The following NBAS variants were observed in gnomAD, a reference collection of about 807,000 sequenced individuals.
The protein encoded by NBAS is NAG/BC035112 fusion.
NBAS carries 219 observed loss-of-function variants against 302.5 expected under a neutral mutation model. The ratio of observed to expected loss-of-function variants is 0.72; its 90% CI spans 0.65 to 0.81. The LOEUF is 0.81. Among genes scored for constraint, NBAS ranks in the 30% least tolerant of loss-of-function variants. NBAS has a pLI of 0.00. For missense variants in NBAS, 2,932 were observed against 2,841.6 expected, an observed-to-expected ratio of 1.03 and a Z score of -0.72; for synonymous variants, 1,118 against 1,021.6, an observed-to-expected ratio of 1.09 and a Z score of -1.80.
chr2:15,286,605 C>T (rs1670054857), intron 42 of NBAS, among the ~76,000 whole-genome samples: 1 of 152,202 alleles, frequency 6.6e-6, no homozygotes, highest in African/African-American at 2.4e-5. Flanking sequence ...TGCTTCCCTT[C>T]TACTTCTGTC....
At chr2:15,346,258 C>T (rs1174980358) in intron 35 of NBAS, among the ~76,000 whole-genome samples, 3 of 152,094 alleles carry the variant, frequency 2.0e-5, no homozygotes, top group Non-Finnish European at 4.4e-5. Flanking sequence ...ATCTACCCAT[C>T]TGACAAAGAT....
the NBAS span, among the ~76,000 whole-genome samples, chr2:15,084,517 A>G: frequency 6.6e-6 from 1 of 152,176 alleles, no homozygotes; most frequent in African/African-American, 2.4e-5. Flanking sequence ...GATGGACTCT[A>G]TTTTCCTGCC....
chr2:15,095,729 C>A, the NBAS span, among the ~76,000 whole-genome samples: 1 of 152,206 alleles, frequency 6.6e-6, no homozygotes, highest in East Asian at 1.9e-4. Flanking sequence ...CCACATTAAA[C>A]ATGTCCCATT....
At chr2:14,980,062 AG>A in the NBAS span, among the ~76,000 whole-genome samples, 3 of 152,228 alleles carry the variant, frequency 2.0e-5, no homozygotes, top group Non-Finnish European at 4.4e-5. Context: ...AAAGACACAA[AG>A]CAGATAGAGG....
At chr2:14,849,994 T>G in the NBAS span, among the ~76,000 whole-genome samples, 11 of 138,802 alleles carry the variant, frequency 7.9e-5, 2 homozygotes, top group Non-Finnish European at 1.3e-4. Context: ...ATGTAGACAA[T>G]CGAGACTAGG....
At chr2:15,289,401 C>T (rs926482596) in intron 41 of NBAS, among the ~76,000 whole-genome samples, 2 of 152,146 alleles carry the variant, frequency 1.3e-5, no homozygotes, top group Non-Finnish European at 2.9e-5. Context: ...CATATCTGGC[C>T]TAGAAATTGT....
At chr2:15,199,271 G>A (rs1280246625) in intron 48 of NBAS, among the ~76,000 whole-genome samples, 1 of 152,076 alleles carries the variant, frequency 6.6e-6, no homozygotes, top group Non-Finnish European at 1.5e-5. Context: ...AAGCAAATGG[G>A]TCTCAGAGGC....
chr2:15,184,830 T>A (rs1180080232), intron 50 of NBAS, among the ~76,000 whole-genome samples: 1 of 152,162 alleles, frequency 6.6e-6, no homozygotes, highest in Non-Finnish European at 1.5e-5. Flanking sequence ...CATAGCCAAC[T>A]TACATTCCTT....
the NBAS span, among the ~76,000 whole-genome samples, chr2:14,845,074 T>C: frequency 3.3e-5 from 5 of 152,118 alleles, no homozygotes; most frequent in African/African-American, 4.8e-5. Context: ...AGTAGCCAGG[T>C]AGTGGTTACA....
chr2:15,369,772 A>G (rs951754229), intron 31 of NBAS, among the ~76,000 whole-genome samples: 8 of 152,244 alleles, frequency 5.3e-5, no homozygotes, highest in African/African-American at 1.9e-4. Flanking sequence ...AATCATGAAT[A>G]TATCTCAAAT....
At chr2:15,034,267 A>C in the NBAS span, among the ~76,000 whole-genome samples, 1 of 100,012 alleles carries the variant, frequency 1.0e-5, no homozygotes, top group East Asian at 2.4e-4. Context: ...AAAGAAAGAA[A>C]GAAAGAAAGA....
intron 21 of NBAS, among the ~76,000 whole-genome samples, chr2:15,452,910 A>T (rs1440027790): frequency 6.6e-6 from 1 of 152,164 alleles, no homozygotes; most frequent in Admixed American, 6.5e-5. Context: ...CCATCATTTC[A>T]TGTATGCACT....
At chr2:15,019,404 C>A in the NBAS span, among the ~76,000 whole-genome samples, 1 of 152,060 alleles carries the variant, frequency 6.6e-6, no homozygotes, top group African/African-American at 2.4e-5. Flanking sequence ...AGTCAAAGAA[C>A]TTTTTAATAT....
At chr2:15,522,371 G>A (rs983279281) in intron 9 of NBAS, among the ~76,000 whole-genome samples, 2 of 152,102 alleles carry the variant, frequency 1.3e-5, no homozygotes, top group African/African-American at 2.4e-5. Flanking sequence ...TTGGCCTGGT[G>A]GAAATATTAT....
intron 48 of NBAS, among the ~76,000 whole-genome samples, chr2:15,213,857 T>C (rs995417374): frequency 6.6e-6 from 1 of 152,196 alleles, no homozygotes; most frequent in Non-Finnish European, 1.5e-5. Flanking sequence ...AAACGGATGT[T>C]CTGTCAACTT....
intron 33 of NBAS, among the ~76,000 whole-genome samples, chr2:15,355,517 G>A (rs573100634): frequency 9.2e-5 from 14 of 152,176 alleles, no homozygotes; most frequent in African/African-American, 3.4e-4. Flanking sequence ...TATCTGATAC[G>A]GTTTGGATCT....
the NBAS span, among the ~76,000 whole-genome samples, chr2:15,105,333 A>G: frequency 6.6e-6 from 1 of 152,100 alleles, no homozygotes; most frequent in Non-Finnish European, 1.5e-5. Context: ...GGTGCAGTAA[A>G]CCACCATGGC....
At chr2:15,258,245 G>C (rs1668692446) in intron 44 of NBAS, among the ~76,000 whole-genome samples, 1 of 152,160 alleles carries the variant, frequency 6.6e-6, no homozygotes, top group South Asian at 2.1e-4. Flanking sequence ...GATCCACTGT[G>C]ATGATTGCGT....
the NBAS span, among the ~76,000 whole-genome samples, chr2:15,067,268 C>T: frequency 6.6e-6 from 1 of 151,038 alleles, no homozygotes. Context: ...TCACTTAAGC[C>T]TGGGAGGTCA....
Sources: allele counts gnomAD v4.1 joint callset (sites outside exome capture counted in the v4.1 genomes callset), GRCh38; gene constraint gnomAD v4.1.1; transcripts MANE v1.5; gene names NCBI Gene and HGNC (gene_info 2026-07-23, HGNC 2026-07-21).